The following MTA3 variants were observed in gnomAD, a reference collection of about 807,000 sequenced individuals.
The protein encoded by MTA3 is metastasis-associated protein MTA3.
A neutral mutation model predicts 83.5 loss-of-function variants in MTA3; 34 were observed. The ratio of observed to expected loss-of-function variants is 0.41; its 90% CI spans 0.31 to 0.54. MTA3 has a LOEUF of 0.54. Ranked by LOEUF, MTA3 falls within the 20% of genes least tolerant of loss-of-function variation. MTA3 has a pLI of 0.33. For synonymous variants in MTA3, 303 were observed against 252.7 expected (o/e 1.20, Z -1.89); for missense variants, 761 against 726.4 (o/e 1.05, Z -0.55).
chr2:42,726,914 G>C (rs1023979433), intron 16 of MTA3, among the ~76,000 whole-genome samples: 8 of 152,154 alleles, frequency 5.3e-5, no homozygotes, highest in Admixed American at 2.6e-4. Flanking sequence ...GTATACATAG[G>C]GGGAGTGGTG....
chr2:42,518,275 G>A lies in MTA3; in HGVS notation c.-141+23021G>A, dbSNP rs559480428. 6.6e-5 allele frequency among the ~76,000 whole-genome samples: 10 copies of A among 152,232 alleles called. No individual in the cohort carries two copies. The Middle Eastern group carries it at 0.014, about 207-fold the overall frequency. On this transcript the variant is annotated intron_variant, in intron 2 of 17. Coordinates refer to the MTA3 transcript ENST00000405592. ...ACAATTCTCCAATAAAAGGAACTAG[G>A]GCTCCTTGGAAAAATAAACTAAGTC...
chr2:42,659,946 C>A, intron 8 of MTA3, 84 bp downstream of exon 8: 1 of 1,075,238 alleles, frequency 9.3e-7, no homozygotes, highest in Non-Finnish European at 1.3e-6. Flanking sequence ...TACTGTAGAC[C>A]GGGAGCTTTT....
intron 8 of MTA3, 149 bp downstream of exon 8, chr2:42,660,011 T>G (rs375030733): frequency 4.5e-6 from 2 of 446,564 alleles, no homozygotes; most frequent in African/African-American, 4.1e-5. Flanking sequence ...CTTGGTTGAC[T>G]GGGTTATGAT....
At chr2:42,667,569 A>AG in intron 8 of MTA3, among the ~76,000 whole-genome samples, 2 of 15,958 alleles carry the variant, frequency 1.3e-4, no homozygotes, top group African/African-American at 8.1e-4. Context: ...TCATTTAAAA[A>AG]TTGTGTGTGT....
chr2:42,605,924 G>A (rs1217639524), intron 3 of MTA3, among the ~76,000 whole-genome samples: 1 of 73,882 alleles, frequency 1.4e-5, no homozygotes, highest in African/African-American at 5.9e-5. Context: ...GCCGGGCAGA[G>A]GCGCCCCTCA....
intron 4 of MTA3, chr2:42,613,917 G>T (rs1451921928): frequency 6.6e-6 from 1 of 152,006 alleles, no homozygotes; most frequent in Non-Finnish European, 1.5e-5. Context: ...TTTTTTGAGG[G>T]GAAGTGAGAG....
At chr2:42,654,905 C>A (rs750114168) in intron 6 of MTA3, among the ~76,000 whole-genome samples, 3 of 152,164 alleles carry the variant, frequency 2.0e-5, no homozygotes, top group Non-Finnish European at 4.4e-5. Flanking sequence ...TGTGAGCCAC[C>A]ACACCCAGCC....
At chr2:42,691,952 C>A (rs1692938790) in intron 9 of MTA3, among the ~76,000 whole-genome samples, 1 of 152,128 alleles carries the variant, frequency 6.6e-6, no homozygotes, top group African/African-American at 2.4e-5. Flanking sequence ...CTTTCTTTAT[C>A]TTTGACCTTT....
At chr2:42,633,902 AC>A (rs918985017) in intron 4 of MTA3, among the ~76,000 whole-genome samples, 3 of 152,094 alleles carry the variant, frequency 2.0e-5, no homozygotes, top group Admixed American at 6.6e-5. Context: ...AAAAAAAAAA[AC>A]ATATTCTTTC....
intron 2 of MTA3, among the ~76,000 whole-genome samples, chr2:42,548,261 T>C (rs1676851422): frequency 6.6e-6 from 1 of 152,044 alleles, no homozygotes; most frequent in Non-Finnish European, 1.5e-5. Flanking sequence ...GGTCAGGAAT[T>C]CGAGACCAGC....
At chr2:42,697,690 G>T in intron 10 of MTA3, 86 bp from the exon 11 acceptor site, 6 of 899,918 alleles carry the variant, frequency 6.7e-6, no homozygotes, top group Non-Finnish European at 1.0e-5. Flanking sequence ...ACTTTAATAC[G>T]TATTTTCTTG....
At chr2:42,626,863 C>T (rs1183138206) in intron 4 of MTA3, among the ~76,000 whole-genome samples, 2 of 151,992 alleles carry the variant, frequency 1.3e-5, no homozygotes, top group East Asian at 3.9e-4. Flanking sequence ...GCCTCAGCCT[C>T]CCAAGTAGTT....
At chr2:42,726,920 T>C (rs369561220) in intron 16 of MTA3, among the ~76,000 whole-genome samples, 2 of 151,424 alleles carry the variant, frequency 1.3e-5, no homozygotes, top group East Asian at 3.9e-4. Flanking sequence ...ATAGGGGGAG[T>C]GGTGGCTTGC....
At chr2:42,697,957 A>G (rs1202995294) in intron 11 of MTA3, 123 bp downstream of exon 11, 12 of 632,592 alleles carry the variant, frequency 1.9e-5, no homozygotes, top group Non-Finnish European at 3.2e-5. Flanking sequence ...TCTACAAAGC[A>G]TGAGACTTAC....
intron 8 of MTA3, among the ~76,000 whole-genome samples, chr2:42,663,354 A>C (rs1689915092): frequency 6.6e-6 from 1 of 152,144 alleles, no homozygotes; most frequent in African/African-American, 2.4e-5. Context: ...ACAGCAGGTG[A>C]ATTTCTTTTG....
intron 2 of MTA3, among the ~76,000 whole-genome samples, chr2:42,504,665 C>CTTT (rs373215866): frequency 1.4e-5 from 2 of 143,096 alleles, no homozygotes; most frequent in Admixed American, 7.0e-5. Flanking sequence ...TTTAAGCTTG[C>CTTT]TTTTTTTTTT....
At chr2:42,514,682 C>CTTT (rs767598363) in intron 2 of MTA3, among the ~76,000 whole-genome samples, 717 of 53,476 alleles carry the variant, frequency 0.013, 130 homozygotes, top group African/African-American at 0.054. Context: ...CGCCCAGCCC[C>CTTT]TTTTTTTTTT....
intron 3 of MTA3, among the ~76,000 whole-genome samples, chr2:42,607,079 TAGGGG>T (rs1476079160): frequency 8.5e-6 from 1 of 118,190 alleles, no homozygotes; most frequent in Non-Finnish European, 1.7e-5. Flanking sequence ...GGGGTAGGGG[TAGGGG>T]TAGGGGTAGG....
At chr2:42,574,672 C>T (rs896542484) in intron 2 of MTA3, among the ~76,000 whole-genome samples, 61 of 152,172 alleles carry the variant, frequency 4.0e-4, no homozygotes, top group African/African-American at 1.2e-3. Flanking sequence ...GTGATCCACC[C>T]GCCTTGGCCT....
Sources: allele counts gnomAD v4.1 joint callset (sites outside exome capture counted in the v4.1 genomes callset), GRCh38; gene constraint gnomAD v4.1.1; transcripts MANE v1.5; gene names NCBI Gene and HGNC (gene_info 2026-07-23, HGNC 2026-07-21).